Variants in ADGRB3 observed in about 807,000 individuals in gnomAD.
ADGRB3 encodes brain-specific angiogenesis inhibitor 3.
Under a neutral mutation model 193.4 loss-of-function variants are expected in ADGRB3, and 37 were observed. That is an observed-to-expected ratio of 0.19 (90% CI 0.15 to 0.25). The LOEUF (loss-of-function observed/expected upper bound fraction) is 0.25, where lower values mean the gene tolerates loss of function less well. Among genes scored for constraint, ADGRB3 ranks in the 10% least tolerant of loss-of-function variants. The pLI is 1.00. For synonymous variants in ADGRB3, 690 were observed against 644.2 expected (o/e 1.07, Z -1.08); for missense variants, 1,637 against 1,852.9 (o/e 0.88, Z 2.14).
chr6:69,253,893 A>T (rs1766685351), intron 20 of ADGRB3, among the ~76,000 whole-genome samples: 4 of 152,112 alleles, frequency 2.6e-5, no homozygotes, highest in South Asian at 4.1e-4. Context: ...AAAACTCATG[A>T]GCCATTTTTT....
intron 17 of ADGRB3, among the ~76,000 whole-genome samples, chr6:69,161,578 GCCTAGCTAATCAT>G (rs1774987780): frequency 6.6e-6 from 1 of 152,090 alleles, no homozygotes; most frequent in African/African-American, 2.4e-5. Context: ...ATCTATGGTT[GCCTAGCTAATCAT>G]CCTCAAATTT....
At chr6:68,885,738 T>C (rs1188083126) in intron 3 of ADGRB3, among the ~76,000 whole-genome samples, 3 of 152,182 alleles carry the variant, frequency 2.0e-5, no homozygotes, top group Non-Finnish European at 4.4e-5. Context: ...GAAATTGTAC[T>C]ACACTTTGTG....
At chr6:69,080,860 C>T (rs1422968535) in intron 17 of ADGRB3, among the ~76,000 whole-genome samples, 1 of 151,846 alleles carries the variant, frequency 6.6e-6, no homozygotes, top group Admixed American at 6.6e-5. Flanking sequence ...TTATTACAGT[C>T]GATACTTTAG....
chr6:69,335,653 G>A (rs1768829457), intron 24 of ADGRB3, among the ~76,000 whole-genome samples: 1 of 152,102 alleles, frequency 6.6e-6, no homozygotes, highest in Non-Finnish European at 1.5e-5. Flanking sequence ...AGTGAGGACA[G>A]TGAAGAACAG....
intron 13 of ADGRB3, among the ~76,000 whole-genome samples, chr6:69,024,690 A>G (rs1770374429): frequency 6.6e-6 from 1 of 152,256 alleles, no homozygotes; most frequent in Non-Finnish European, 1.5e-5. Context: ...AAACATATCA[A>G]TTTAGTTATC....
chr6:68,967,253 G>A (rs1768409788), intron 8 of ADGRB3, among the ~76,000 whole-genome samples: 1 of 152,150 alleles, frequency 6.6e-6, no homozygotes, highest in African/African-American at 2.4e-5. Context: ...AAAAATTATT[G>A]ACTTTTGCTT....
chr6:68,732,659 C>G (rs1039601997), intron 3 of ADGRB3, among the ~76,000 whole-genome samples: 2 of 151,858 alleles, frequency 1.3e-5, no homozygotes, highest in Admixed American at 1.3e-4. Flanking sequence ...TGCCTGAGAT[C>G]GTTCTGCAAG....
chr6:68,679,943 C>G (rs139528848), intron 3 of ADGRB3, among the ~76,000 whole-genome samples: 2 of 152,042 alleles, frequency 1.3e-5, no homozygotes, highest in Admixed American at 6.6e-5. Flanking sequence ...CTAATCCCAA[C>G]GGAAGGTATT....
At chr6:69,078,953 T>C (rs1772311847) in intron 17 of ADGRB3, among the ~76,000 whole-genome samples, 1 of 152,110 alleles carries the variant, frequency 6.6e-6, no homozygotes, top group Non-Finnish European at 1.5e-5. Flanking sequence ...TTTGCATGTT[T>C]CGTAGGTACA....
intron 3 of ADGRB3, among the ~76,000 whole-genome samples, chr6:68,772,939 ACACAC>A (rs1766666431): frequency 2.2e-5 from 1 of 44,938 alleles, no homozygotes; most frequent in African/African-American, 1.2e-4. Context: ...ATATACATAC[ACACAC>A]AAAAATAAAA....
intron 15 of ADGRB3, 104 bp from the exon 16 acceptor site, chr6:69,062,830 C>A: frequency 1.4e-6 from 1 of 739,838 alleles, no homozygotes; most frequent in Non-Finnish European, 2.2e-6. Flanking sequence ...TATGTTTTTG[C>A]TTTGGATGCA....
intron 20 of ADGRB3, among the ~76,000 whole-genome samples, chr6:69,256,594 A>C (rs1766777096): frequency 6.6e-6 from 1 of 152,190 alleles, no homozygotes; most frequent in South Asian, 2.1e-4. Flanking sequence ...CAGCTTAAGG[A>C]GATTTTGGGC....
In ADGRB3 at chr6:69,226,013, C is replaced by G. The variant is rs142483096; in HGVS notation, c.2481-7277C>G. 1.2e-3 allele frequency among the ~76,000 whole-genome samples: 182 copies of G among 152,194 alleles called. 2 individuals carry two copies. The South Asian group carries it at 0.03, about 25-fold the overall frequency. ...TTGGCTTCCTTAATGTTATTTCTTA[C>G]CATACTCCTTTCTACTCTCACTATT... is the stretch of plus-strand genomic sequence containing the variant. On this transcript the variant is annotated intron_variant, in intron 17 of 31. Transcript: ENST00000370598.
intron 4 of ADGRB3, among the ~76,000 whole-genome samples, chr6:68,933,986 T>C (rs1767418801): frequency 6.6e-6 from 1 of 152,198 alleles, no homozygotes; most frequent in Non-Finnish European, 1.5e-5. Context: ...TTTAATGTCA[T>C]TGAATATTTT....
chr6:69,048,377 A>G (rs936041014), intron 14 of ADGRB3, 43 bp downstream of exon 14: 9 of 1,566,268 alleles, frequency 5.7e-6, no homozygotes, highest in Non-Finnish European at 7.9e-6. Context: ...GACATTTTTG[A>G]TAAGGTCATT....
intron 15 of ADGRB3, among the ~76,000 whole-genome samples, chr6:69,054,083 C>A (rs1771477346): frequency 6.6e-6 from 1 of 151,908 alleles, no homozygotes; most frequent in Non-Finnish European, 1.5e-5. Context: ...ACATTAAAGA[C>A]ATTATAAAAG....
chr6:68,875,739 AT>A (rs1456030849), intron 3 of ADGRB3, among the ~76,000 whole-genome samples: 5 of 152,288 alleles, frequency 3.3e-5, no homozygotes, highest in South Asian at 2.1e-4. Flanking sequence ...CATAAAAAAA[AT>A]AAAAACAAAT....
chr6:69,242,329 A>G (rs954625466), intron 20 of ADGRB3, among the ~76,000 whole-genome samples: 2 of 151,868 alleles, frequency 1.3e-5, no homozygotes, highest in South Asian at 4.1e-4. Flanking sequence ...TTAATTGATC[A>G]GATTTGTATC....
At chr6:68,701,951 C>G (rs1765249228) in intron 3 of ADGRB3, among the ~76,000 whole-genome samples, 2 of 152,082 alleles carry the variant, frequency 1.3e-5, no homozygotes, top group African/African-American at 2.4e-5. Flanking sequence ...TTATTTCAAG[C>G]TACGGGATAC....
Sources: allele counts gnomAD v4.1 joint callset (sites outside exome capture counted in the v4.1 genomes callset), GRCh38; gene constraint gnomAD v4.1.1; transcripts MANE v1.5; gene names NCBI Gene and HGNC (gene_info 2026-07-23, HGNC 2026-07-21).